LSAMP: variants seen among roughly 807,000 people sequenced by gnomAD.
LSAMP encodes limbic system associated membrane protein.
Under a neutral mutation model 38.6 loss-of-function variants are expected in LSAMP, and 7 were observed. That is an observed-to-expected ratio of 0.18 (90% confidence interval 0.10 to 0.34). The LOEUF is 0.34. LSAMP is among the 10% of genes least tolerant of loss of function. The probability of loss-of-function intolerance (pLI) is 1.00; values close to 1 mark genes in which losing one functional copy is unlikely to be tolerated. For missense variants in LSAMP, 313 were observed against 420.0 expected (o/e 0.75, Z 2.23); for synonymous variants, 154 against 166.8 (o/e 0.92, Z 0.59).
intron 2 of LSAMP, among the ~76,000 whole-genome samples, chr3:116,077,962 C>A (rs1576349369): frequency 6.6e-6 from 1 of 152,294 alleles, no homozygotes; most frequent in South Asian, 2.1e-4. Context: ...TAGCTCATTG[C>A]CTCTTATCTT....
intron 1 of LSAMP, among the ~76,000 whole-genome samples, chr3:116,310,555 A>G (rs1224097844): frequency 1.3e-5 from 2 of 152,176 alleles, no homozygotes; most frequent in African/African-American, 2.4e-5. Flanking sequence ...GGCTTTCTGT[A>G]TATACAGCTA....
chr3:116,140,947 C>T (rs928422241), intron 1 of LSAMP, among the ~76,000 whole-genome samples: 4 of 151,822 alleles, frequency 2.6e-5, no homozygotes, highest in Admixed American at 6.6e-5. Flanking sequence ...CTGTAGGCTA[C>T]GGTTTGACTA....
chr3:116,247,956 A>G (rs561599320), intron 1 of LSAMP, among the ~76,000 whole-genome samples: 121 of 152,364 alleles, frequency 7.9e-4, no homozygotes, highest in Middle Eastern at 3.4e-3. Flanking sequence ...AAGTCCACAC[A>G]GTACAGCATT....
intron 1 of LSAMP, among the ~76,000 whole-genome samples, chr3:116,120,978 G>T (rs1263620340): frequency 6.6e-6 from 1 of 152,102 alleles, no homozygotes; most frequent in Non-Finnish European, 1.5e-5. Flanking sequence ...ATTTCAGGTG[G>T]ATGACAAACT....
intron 6 of LSAMP, among the ~76,000 whole-genome samples, chr3:115,836,427 G>A (rs1047236172): frequency 1.3e-4 from 20 of 152,296 alleles, no homozygotes; most frequent in African/African-American, 3.8e-4. Context: ...TAAGGAAAAC[G>A]AAACTTTCCA....
chr3:116,130,377 C>T (rs772871934), intron 1 of LSAMP, among the ~76,000 whole-genome samples: 10 of 152,268 alleles, frequency 6.6e-5, no homozygotes, highest in South Asian at 2.1e-4. Context: ...TATATCTCAA[C>T]GGTATAGGTA....
At chr3:116,296,029 G>A (rs2047328498) in intron 1 of LSAMP, among the ~76,000 whole-genome samples, 1 of 152,160 alleles carries the variant, frequency 6.6e-6, no homozygotes, top group Non-Finnish European at 1.5e-5. Flanking sequence ...TGCTGGAAGA[G>A]CTGAAACACT....
At chr3:115,985,030 T>C (rs1258806028) in intron 3 of LSAMP, among the ~76,000 whole-genome samples, 1 of 152,154 alleles carries the variant, frequency 6.6e-6, no homozygotes, top group African/African-American at 2.4e-5. Context: ...TAAGAAGCAA[T>C]AATAAGATAA....
At chr3:116,405,526 T>C (rs1270006190) in intron 1 of LSAMP, among the ~76,000 whole-genome samples, 2 of 151,820 alleles carry the variant, frequency 1.3e-5, no homozygotes, top group Non-Finnish European at 2.9e-5. Context: ...ATACGATAAA[T>C]AGTTAAAGAG....
At position 116,278,742 on chromosome 3, in the gene LSAMP, T is replaced by C. The variant is rs1301989439; in HGVS notation, c.155+166135A>G. ...GTGAATAAAGTTAAAACTCAACACCTAGCACATTGCTGTTGCTCAGTAGAT... is the reference window on the plus strand; with the variant it reads ...GTGAATAAAGTTAAAACTCAACACCCAGCACATTGCTGTTGCTCAGTAGAT... On this transcript the variant is annotated intron_variant, in intron 1 of 6. Transcript: ENST00000490035. 5.3e-5 allele frequency among the ~76,000 whole-genome samples: 8 copies of C among 152,346 alleles called. No individual in the cohort carries two copies. The East Asian group carries it at 1.5e-3, about 29-fold the overall frequency.
chr3:116,395,313 CA>C (rs2048754741), intron 1 of LSAMP, among the ~76,000 whole-genome samples: 1 of 152,118 alleles, frequency 6.6e-6, no homozygotes, highest in Non-Finnish European at 1.5e-5. Context: ...GAGTAGTTCC[CA>C]CCCTGAGATG....
chr3:115,996,072 T>G (rs1467991739), intron 3 of LSAMP, among the ~76,000 whole-genome samples: 3 of 152,016 alleles, frequency 2.0e-5, no homozygotes, highest in Non-Finnish European at 4.4e-5. Context: ...TAGAACCTAT[T>G]TTATAATCCA....
At chr3:116,147,536 A>C (rs990132076) in intron 1 of LSAMP, among the ~76,000 whole-genome samples, 1 of 151,970 alleles carries the variant, frequency 6.6e-6, no homozygotes, top group Non-Finnish European at 1.5e-5. Flanking sequence ...CATGGTGATC[A>C]CCACTTTCTT....
At chr3:116,271,501 A>G (rs1288613418) in intron 1 of LSAMP, among the ~76,000 whole-genome samples, 5 of 152,142 alleles carry the variant, frequency 3.3e-5, no homozygotes, top group Non-Finnish European at 1.5e-5. Flanking sequence ...CCCAGGTTCT[A>G]TCACTCCCAG....
At chr3:116,022,725 T>C (rs1940674386) in intron 2 of LSAMP, among the ~76,000 whole-genome samples, 2 of 152,168 alleles carry the variant, frequency 1.3e-5, no homozygotes, top group Non-Finnish European at 2.9e-5. Flanking sequence ...AATCTATACA[T>C]TCATCGAAGG....
chr3:115,884,137 T>A (rs1290231443), intron 3 of LSAMP, among the ~76,000 whole-genome samples: 1 of 152,032 alleles, frequency 6.6e-6, no homozygotes, highest in African/African-American at 2.4e-5. Flanking sequence ...TGAATTTGAT[T>A]TTTGCAAAGG....
chr3:115,928,597 A>G (rs1319783257), intron 3 of LSAMP, among the ~76,000 whole-genome samples: 1 of 152,244 alleles, frequency 6.6e-6, no homozygotes, highest in African/African-American at 2.4e-5. Flanking sequence ...GTGAATCTCT[A>G]GAGATGTTTT....
intron 1 of LSAMP, among the ~76,000 whole-genome samples, chr3:116,233,904 G>GA (rs1291613550): frequency 6.6e-6 from 1 of 152,090 alleles, no homozygotes; most frequent in East Asian, 1.9e-4. Flanking sequence ...CCTCCTTCCA[G>GA]AAGGCATAAC....
At chr3:116,199,778 C>T (rs1262628840) in intron 1 of LSAMP, among the ~76,000 whole-genome samples, 2 of 107,752 alleles carry the variant, frequency 1.9e-5, no homozygotes, top group Non-Finnish European at 4.7e-5. Flanking sequence ...TAAAAAATTT[C>T]AGGGGAGAGG....
Sources: allele counts gnomAD v4.1 joint callset (sites outside exome capture counted in the v4.1 genomes callset), GRCh38; gene constraint gnomAD v4.1.1; transcripts MANE v1.5; gene names NCBI Gene and HGNC (gene_info 2026-07-23, HGNC 2026-07-21).